The following XIRP2 variants were observed in gnomAD, a reference collection of about 807,000 sequenced individuals.
XIRP2 encodes xin actin-binding repeat-containing protein 2.
In XIRP2, 236 loss-of-function variants were observed where a neutral mutation model predicts 277.0. The observed-to-expected ratio is 0.85, with a 90% CI of 0.77 to 0.95. The LOEUF (loss-of-function observed/expected upper bound fraction) is 0.95, where lower values mean the gene tolerates loss of function less well. XIRP2 is among the 40% of genes least tolerant of loss of function. XIRP2 has a pLI of 0.00. For missense variants in XIRP2, 4,640 were observed against 4,157.5 expected (o/e 1.12, Z -3.19); for synonymous variants, 1,490 against 1,416.5 (o/e 1.05, Z -1.17).
chr2:167,170,770 G>T (rs968669204), intron 3 of XIRP2, among the ~76,000 whole-genome samples: 3 of 151,404 alleles, frequency 2.0e-5, no homozygotes, highest in African/African-American at 7.3e-5. Flanking sequence ...TATCTTTATG[G>T]TACATTTCTA....
At chr2:167,072,475 C>G (rs769698459) in intron 2 of XIRP2, among the ~76,000 whole-genome samples, 1 of 152,040 alleles carries the variant, frequency 6.6e-6, no homozygotes, top group Non-Finnish European at 1.5e-5. Context: ...CCCCTTGATC[C>G]GCTGGTGTTC....
chr2:166,956,606 A>G (rs912149305), intron 2 of XIRP2, among the ~76,000 whole-genome samples: 1 of 151,862 alleles, frequency 6.6e-6, no homozygotes, highest in Non-Finnish European at 1.5e-5. Flanking sequence ...TCATATAAAA[A>G]AAGTCCAGGG....
intron 2 of XIRP2, among the ~76,000 whole-genome samples, chr2:167,034,434 T>C (rs2105509906): frequency 6.6e-6 from 1 of 152,028 alleles, no homozygotes; most frequent in African/African-American, 2.4e-5. Context: ...TCCTTACTTA[T>C]TAATAATTAC....
At chr2:167,184,576 G>A (rs948515486) in intron 3 of XIRP2, 2 of 717,316 alleles carry the variant, frequency 2.8e-6, no homozygotes, top group South Asian at 1.5e-5. Flanking sequence ...AGATTCTCAG[G>A]CTCCACCTGC....
chr2:167,032,835 C>T (rs931704633), intron 2 of XIRP2, among the ~76,000 whole-genome samples: 1 of 152,134 alleles, frequency 6.6e-6, no homozygotes, highest in Non-Finnish European at 1.5e-5. Context: ...AATGCTTTTA[C>T]ACTGTGGGTT....
At chr2:167,114,621 A>C (rs1182788633) in intron 2 of XIRP2, among the ~76,000 whole-genome samples, 2 of 150,146 alleles carry the variant, frequency 1.3e-5, no homozygotes, top group Non-Finnish European at 3.0e-5. Flanking sequence ...ACAGTCCCCA[A>C]AGTGTGATGT....
At chr2:167,136,083 T>A (rs777783452) in intron 3 of XIRP2, 21 bp downstream of exon 3, 2 of 1,577,398 alleles carry the variant, frequency 1.3e-6, no homozygotes, top group Non-Finnish European at 1.7e-6. Context: ...CATTTTGATA[T>A]GCTTTCTTGA....
intron 2 of XIRP2, among the ~76,000 whole-genome samples, chr2:166,926,845 A>G (rs1307238172): frequency 6.6e-6 from 1 of 152,098 alleles, no homozygotes; most frequent in Non-Finnish European, 1.5e-5. Flanking sequence ...AAATAAATAA[A>G]CCAGCAGCTG....
At chr2:167,171,279 GT>G (rs372596750) in intron 3 of XIRP2, among the ~76,000 whole-genome samples, 1,549 of 152,130 alleles carry the variant, frequency 0.01, 13 homozygotes, top group Non-Finnish European at 0.016. Context: ...ATTTAAACAT[GT>G]TTTTAGCATT....
intron 3 of XIRP2, among the ~76,000 whole-genome samples, chr2:167,206,367 C>T (rs1438986814): frequency 6.6e-6 from 1 of 152,176 alleles, no homozygotes. Flanking sequence ...CGCCATATTT[C>T]ATATTGCTGC....
chr2:166,915,337 A>G (rs1030176349), intron 2 of XIRP2, among the ~76,000 whole-genome samples: 7 of 151,128 alleles, frequency 4.6e-5, no homozygotes, highest in East Asian at 1.9e-4. Flanking sequence ...AAGAAATATT[A>G]TAAAGGAACC....
At chr2:167,188,455 A>G (rs1166335417) in intron 3 of XIRP2, among the ~76,000 whole-genome samples, 1 of 152,218 alleles carries the variant, frequency 6.6e-6, no homozygotes, top group East Asian at 1.9e-4. Context: ...GGTCACTGAC[A>G]AGCTGTAGTT....
chr2:167,153,035 T>C (rs1472528658), intron 3 of XIRP2, among the ~76,000 whole-genome samples: 1 of 152,164 alleles, frequency 6.6e-6, no homozygotes, highest in Non-Finnish European at 1.5e-5. Flanking sequence ...TGTATTATGA[T>C]TTATTTGTTT....
In XIRP2 at chr2:167,248,009, T is replaced by C. The variant is rs773654276; in HGVS notation, c.6617T>C (p.Leu2206Pro). Residue 2206 changes from leucine to proline, a missense_variant, in exon 9 of 11, where the codon CTT becomes CCT. Physicochemically the swap from Leu to Pro is moderately conservative, Grantham distance 98. Coordinates refer to ENST00000409195, the MANE Select transcript of XIRP2 (RefSeq NM_152381.6). ...NKDIKKKNIN[L>P]QPMWQLLPVE... ...GATATAAAGAAAAAGAATATAAACC[T>C]TCAACCAATGTGGCAGCTTTTGCCT... is the stretch of plus-strand genomic sequence containing the variant. 6.2e-7 allele frequency: 1 copy of C among 1,613,224 alleles called. No individual in the cohort carries two copies. Among genetic ancestry groups the C allele is most frequent in the Non-Finnish European group, 8.5e-7 (1 of 1,179,598 alleles).
chr2:167,076,090 C>A (rs1689562975), intron 2 of XIRP2, among the ~76,000 whole-genome samples: 1 of 151,926 alleles, frequency 6.6e-6, no homozygotes, highest in South Asian at 2.1e-4. Context: ...TCATAATATG[C>A]AGAGGATGGT....
chr2:167,008,797 A>C (rs182109957), intron 2 of XIRP2, among the ~76,000 whole-genome samples: 4 of 151,552 alleles, frequency 2.6e-5, no homozygotes, highest in African/African-American at 7.3e-5. Flanking sequence ...ATTCAAAACT[A>C]CAAAGAAAAA....
intron 2 of XIRP2, among the ~76,000 whole-genome samples, chr2:167,052,095 G>C (rs1008906350): frequency 1.3e-5 from 2 of 151,984 alleles, no homozygotes; most frequent in South Asian, 4.1e-4. Flanking sequence ...AGATAAGCAA[G>C]ACCCTATCCA....
chr2:166,926,205 T>C (rs1427548268), intron 2 of XIRP2, among the ~76,000 whole-genome samples: 1 of 152,092 alleles, frequency 6.6e-6, no homozygotes, highest in Admixed American at 6.6e-5. Context: ...TTTGGAGTTA[T>C]ATATTTACTC....
chr2:167,236,047 A>G (rs1694890836), intron 5 of XIRP2, among the ~76,000 whole-genome samples: 2 of 151,914 alleles, frequency 1.3e-5, no homozygotes, highest in Non-Finnish European at 2.9e-5. Flanking sequence ...TGTAAATAAC[A>G]TTAATATATC....
Sources: allele counts gnomAD v4.1 joint callset (sites outside exome capture counted in the v4.1 genomes callset), GRCh38; gene constraint gnomAD v4.1.1; transcripts MANE v1.5; gene names NCBI Gene and HGNC (gene_info 2026-07-23, HGNC 2026-07-21).